XPNPEP2: variants seen among roughly 807,000 people sequenced by gnomAD.
XPNPEP2 encodes the protein xaa-Pro aminopeptidase 2.
XPNPEP2 carries 64 observed loss-of-function variants against 59.8 expected under a neutral mutation model. The ratio of observed to expected loss-of-function variants is 1.07; its 90% CI spans 0.87 to 1.32. XPNPEP2 has a LOEUF of 1.32. Ranked by LOEUF, XPNPEP2 falls within the 40% of genes most tolerant of loss-of-function variation. The pLI, the probability that XPNPEP2 is intolerant of heterozygous loss-of-function variation, is 0.00. For missense variants in XPNPEP2, 575 were observed against 546.8 expected (o/e 1.05, Z -0.51); for synonymous variants, 235 against 210.0 (o/e 1.12, Z -1.03).
At chrX:129,751,562 GAAAGAAAGAAAGAAAGAAAGAAAGA>G (rs1926403114) in intron 8 of XPNPEP2, among the ~76,000 whole-genome samples, 158 bp from the exon 9 acceptor site, 2 of 60,930 alleles carry the variant, frequency 3.3e-5, no homozygotes, top group African/African-American at 1.4e-4. Context: ...AAGAAAGAAA[GAAAGAAAGAAAGAAAGAAAGAAAGA>G]AAGAAAGAAA....
chrX:129,753,497 G>A lies in XPNPEP2; in HGVS notation c.1107+249G>A, dbSNP rs186066523. ...GTCTCTACTAAAAATACAAAAATTAGCCAGGCGTGGTGGCGATCACCTGTA... is the reference window on the plus strand; with the variant it reads ...GTCTCTACTAAAAATACAAAAATTAACCAGGCGTGGTGGCGATCACCTGTA... On this transcript the variant is annotated intron_variant, in intron 11 of 20. Transcript: ENST00000371106. Among the ~76,000 whole-genome samples, 32 of 111,202 alleles carry A rather than the reference G, an allele frequency of 2.9e-4. No homozygotes were observed. The South Asian group carries it at 3.4e-3, about 12-fold the overall frequency.
At chrX:129,758,452 C>G (rs1167496327) in intron 14 of XPNPEP2, among the ~76,000 whole-genome samples, 1 of 111,585 alleles carries the variant, frequency 9.0e-6, no homozygotes, top group Non-Finnish European at 1.9e-5. Context: ...TCTCCCCTCT[C>G]CCTCACCAAG....
chrX:129,743,186 A>G (rs1194893096), intron 2 of XPNPEP2, among the ~76,000 whole-genome samples: 1 of 112,874 alleles, frequency 8.9e-6, no homozygotes, highest in East Asian at 2.8e-4. Flanking sequence ...CATTACTTTT[A>G]TATTAAAACA....
intron 13 of XPNPEP2, among the ~76,000 whole-genome samples, chrX:129,756,143 C>T (rs1926513580): frequency 8.9e-6 from 1 of 112,803 alleles, no homozygotes; most frequent in African/African-American, 3.2e-5. Flanking sequence ...CATCCTCGTG[C>T]AAGCCCCTTG....
rs184782137 is a variant in XPNPEP2 at position 129,752,779 on chromosome X, T to C, written c.1018-380T>C. Among the ~76,000 whole-genome samples, 268 of 112,329 alleles carry C rather than the reference T, an allele frequency of 2.4e-3. 2 individuals carry two copies. The highest frequency in any genetic ancestry group is 7.9e-3 in the African/African-American group (243 of 30,906). ...AGTGTATATGACTGACACATGGTAGTGTCCAATAAATGGTAGCTGTCATGA... is the reference window on the plus strand; with the variant it reads ...AGTGTATATGACTGACACATGGTAGCGTCCAATAAATGGTAGCTGTCATGA... On this transcript the variant is annotated intron_variant, in intron 10 of 20. Coordinates refer to ENST00000371106, the MANE Select transcript of XPNPEP2 (RefSeq NM_003399.6).
intron 14 of XPNPEP2, among the ~76,000 whole-genome samples, chrX:129,758,252 T>G (rs1358278233): frequency 4.5e-5 from 5 of 111,988 alleles, no homozygotes; most frequent in Middle Eastern, 4.2e-3. Context: ...AGGAGTTCGA[T>G]GCTGTGTGTA....
intron 6 of XPNPEP2, 78 bp downstream of exon 6, chrX:129,746,759 A>G (rs767544936): frequency 3.2e-6 from 3 of 944,237 alleles, no homozygotes; most frequent in African/African-American, 3.9e-5. Context: ...AAAGAAATGG[A>G]CCTTGGTAGA....
chrX:129,746,992 C>A, intron 6 of XPNPEP2: 1 of 297,002 alleles, frequency 3.4e-6, no homozygotes, highest in Non-Finnish European at 5.9e-6. Flanking sequence ...CCAGAACCAT[C>A]CTCTGTGCCC....
At chrX:129,754,662 A>C in intron 12 of XPNPEP2, 81 bp downstream of exon 12, 1 of 922,189 alleles carries the variant, frequency 1.1e-6, no homozygotes, top group South Asian at 2.2e-5. Flanking sequence ...TTGTCCCCTT[A>C]CTTAGCAGAA....
intron 14 of XPNPEP2, among the ~76,000 whole-genome samples, chrX:129,757,911 GAAA>G (rs1271576771): frequency 1.7e-3 from 137 of 79,261 alleles, no homozygotes; most frequent in Non-Finnish European, 2.3e-3. Flanking sequence ...AAGAAAGAAA[GAAA>G]GAAAGAAAGA....
At chrX:129,747,847 A>G in intron 7 of XPNPEP2, 94 bp downstream of exon 7, 1 of 1,163,909 alleles carries the variant, frequency 8.6e-7, no homozygotes, top group Non-Finnish European at 1.2e-6. Context: ...CAGAGGTACC[A>G]AAGCAGTGGT....
chrX:129,755,700 G>A (rs1926505919), intron 13 of XPNPEP2, among the ~76,000 whole-genome samples: 1 of 113,005 alleles, frequency 8.8e-6, no homozygotes, highest in Non-Finnish European at 1.9e-5. Flanking sequence ...CACTCAGCCT[G>A]AACCAGCCAA....
intron 14 of XPNPEP2, among the ~76,000 whole-genome samples, chrX:129,758,216 G>A (rs911157010): frequency 1.8e-5 from 2 of 111,962 alleles, no homozygotes; most frequent in East Asian, 2.8e-4. Context: ...AGTAGCAGGC[G>A]CTCAGCTTAG....
chrX:129,746,514 C>T, intron 5 of XPNPEP2, 81 bp from the exon 6 acceptor site: 2 of 1,012,401 alleles, frequency 2.0e-6, no homozygotes, highest in Non-Finnish European at 1.4e-6. Context: ...CATGGTAGGA[C>T]CATCAGACAG....
At chrX:129,760,388 C>G (rs1040791251) in intron 15 of XPNPEP2, 124 bp from the exon 16 acceptor site, 5 of 699,227 alleles carry the variant, frequency 7.2e-6, no homozygotes, top group Non-Finnish European at 1.1e-5. Flanking sequence ...CGATGAGACT[C>G]CCCCCACCCT....
At chrX:129,759,618 G>C (rs890879056) in intron 15 of XPNPEP2, among the ~76,000 whole-genome samples, 1 of 112,868 alleles carries the variant, frequency 8.9e-6, no homozygotes, top group Admixed American at 9.3e-5. Flanking sequence ...AGGAAACATC[G>C]AGGGCTGGCC....
chrX:129,761,973 G>C (rs1400304983), intron 17 of XPNPEP2, 33 bp from the exon 18 acceptor site: 1 of 1,204,929 alleles, frequency 8.3e-7, no homozygotes, highest in Non-Finnish European at 1.1e-6. Flanking sequence ...GAGTATAGGA[G>C]AACTGATACC....
intron 13 of XPNPEP2, 71 bp from the exon 14 acceptor site, chrX:129,756,413 C>T: frequency 1.8e-6 from 2 of 1,100,936 alleles, no homozygotes; most frequent in Non-Finnish European, 2.5e-6. Context: ...CAGAGGTCCT[C>T]CCACCAAGGC....
At chrX:129,757,063 T>A in intron 14 of XPNPEP2, among the ~76,000 whole-genome samples, 1 of 84,851 alleles carries the variant, frequency 1.2e-5, no homozygotes, top group East Asian at 4.3e-4. Context: ...CACATATATA[T>A]ACACACACAT....
Sources: gnomAD v4.1 joint callset for allele counts (sites outside exome capture counted in the v4.1 genomes callset) on GRCh38, gnomAD v4.1.1 for gene constraint, MANE v1.5 for transcripts, NCBI Gene and HGNC (gene_info 2026-07-23, HGNC 2026-07-21) for gene names.